LHFPL2: variants seen among roughly 807,000 people sequenced by gnomAD.
The protein encoded by LHFPL2 is LHFPL tetraspan subfamily member 2 protein.
Under a neutral mutation model 17.5 loss-of-function variants are expected in LHFPL2, and 7 were observed. The ratio of observed to expected loss-of-function variants is 0.40; its 90% CI spans 0.23 to 0.75. LHFPL2 has a LOEUF of 0.75. Ranked by LOEUF, LHFPL2 falls within the 30% of genes least tolerant of loss-of-function variation. LHFPL2 has a pLI of 0.37. For synonymous variants in LHFPL2, 134 were observed against 116.2 expected, an observed-to-expected ratio of 1.15 and a Z score of -0.99; for missense variants, 241 against 294.8, an observed-to-expected ratio of 0.82 and a Z score of 1.34.
chr5:78,544,796 GA>G lies in LHFPL2; in HGVS notation c.-186+20016del, dbSNP rs1027383742. Among the ~76,000 whole-genome samples the G allele has an allele frequency of 7.9e-4, 117 of 148,136 alleles. 1 individual carries two copies. In the South Asian group the frequency reaches 0.014, roughly 18 times the overall value. On this transcript the variant is annotated intron_variant, in intron 3 of 4. Coordinates refer to ENST00000380345, the MANE Select transcript of LHFPL2 (RefSeq NM_005779.3). ...GTATACACACACACACCCCAAAACA[GA>G]AAAAAAAATCCAGCTGAAATGAACG...
intron 3 of LHFPL2, among the ~76,000 whole-genome samples, chr5:78,554,197 C>T (rs370831445): frequency 1.3e-5 from 2 of 152,260 alleles, no homozygotes; most frequent in South Asian, 2.1e-4. Context: ...AGACACTGTG[C>T]GCGCCTGCTG....
At chr5:78,621,828 A>G (rs772399916) in intron 2 of LHFPL2, among the ~76,000 whole-genome samples, 64 of 152,150 alleles carry the variant, frequency 4.2e-4, no homozygotes, top group Non-Finnish European at 3.4e-4. Context: ...CTCTCAGGAC[A>G]AACATAAATA....
intron 1 of LHFPL2, among the ~76,000 whole-genome samples, chr5:78,634,337 T>C (rs1202960412): frequency 6.6e-6 from 1 of 152,192 alleles, no homozygotes; most frequent in Non-Finnish European, 1.5e-5. Context: ...CTGCAGGAAC[T>C]CACAGGAAGT....
chr5:78,513,858 A>G (rs1299806250), intron 3 of LHFPL2, among the ~76,000 whole-genome samples: 2 of 152,146 alleles, frequency 1.3e-5, no homozygotes, highest in Admixed American at 6.5e-5. Context: ...TTTCTTTATA[A>G]ATTACCCAGT....
At chr5:78,548,674 AT>A (rs1756354766) in intron 3 of LHFPL2, among the ~76,000 whole-genome samples, 1 of 152,188 alleles carries the variant, frequency 6.6e-6, no homozygotes, top group Non-Finnish European at 1.5e-5. Context: ...GGGGGCAGCT[AT>A]GAGGGCTAGA....
intron 1 of LHFPL2, among the ~76,000 whole-genome samples, chr5:78,641,431 T>C (rs532246847): frequency 6.6e-6 from 1 of 152,382 alleles, no homozygotes; most frequent in East Asian, 1.9e-4. Flanking sequence ...TTGTTCATTA[T>C]TAACCAGCTG....
intron 1 of LHFPL2, among the ~76,000 whole-genome samples, chr5:78,645,844 G>A (rs1745857427): frequency 6.6e-6 from 1 of 152,164 alleles, no homozygotes; most frequent in Non-Finnish European, 1.5e-5. Context: ...GCCCCCCAAA[G>A]TGCTGGGATT....
At chr5:78,644,450 CT>C in intron 1 of LHFPL2, 1 of 627,970 alleles carries the variant, frequency 1.6e-6, no homozygotes. Flanking sequence ...CGGCAGTGCC[CT>C]TCCACATCTC....
chr5:78,521,050 T>C (rs1288406111), intron 3 of LHFPL2, among the ~76,000 whole-genome samples: 2 of 152,244 alleles, frequency 1.3e-5, no homozygotes, highest in Admixed American at 6.5e-5. Context: ...CTTTCTTATA[T>C]ATGTCAAGAA....
chr5:78,537,861 C>G (rs570974352), intron 3 of LHFPL2, among the ~76,000 whole-genome samples: 1 of 152,070 alleles, frequency 6.6e-6, no homozygotes, highest in Admixed American at 6.5e-5. Flanking sequence ...ATATAAAATG[C>G]GAAAGCTTCT....
chr5:78,592,250 C>A (rs768685848), intron 2 of LHFPL2, among the ~76,000 whole-genome samples: 1 of 152,206 alleles, frequency 6.6e-6, no homozygotes, highest in African/African-American at 2.4e-5. Flanking sequence ...CTCTCCCAAA[C>A]GCTCAGGAAG....
intron 4 of LHFPL2, among the ~76,000 whole-genome samples, chr5:78,498,092 T>TGAGC (rs1754662393): frequency 6.6e-6 from 1 of 152,038 alleles, no homozygotes; most frequent in South Asian, 2.1e-4. Flanking sequence ...GGGAATGAGG[T>TGAGC]GAGCCACGAC....
intron 4 of LHFPL2, among the ~76,000 whole-genome samples, chr5:78,498,314 T>C (rs1754670550): frequency 6.6e-6 from 1 of 152,160 alleles, no homozygotes; most frequent in African/African-American, 2.4e-5. Flanking sequence ...AGTCAGGCCA[T>C]CTGTCTCAGT....
At chr5:78,585,697 C>T (rs777655965) in intron 2 of LHFPL2, among the ~76,000 whole-genome samples, 4 of 152,236 alleles carry the variant, frequency 2.6e-5, no homozygotes, top group Non-Finnish European at 4.4e-5. Flanking sequence ...TCCTCATCAT[C>T]ATCATCACCA....
At chr5:78,499,053 T>C (rs1754693939) in intron 4 of LHFPL2, among the ~76,000 whole-genome samples, 1 of 152,200 alleles carries the variant, frequency 6.6e-6, no homozygotes, top group African/African-American at 2.4e-5. Flanking sequence ...AATGGCAGTG[T>C]TGACCAGCTT....
At chr5:78,544,913 G>T (rs941675752) in intron 3 of LHFPL2, among the ~76,000 whole-genome samples, 1 of 151,942 alleles carries the variant, frequency 6.6e-6, no homozygotes, top group South Asian at 2.1e-4. Context: ...TTTTTTAAAA[G>T]AAAAAATTCC....
intron 2 of LHFPL2, among the ~76,000 whole-genome samples, chr5:78,586,177 T>C (rs111356022): frequency 1.1e-4 from 17 of 152,292 alleles, no homozygotes; most frequent in Non-Finnish European, 2.4e-4. Context: ...TCCACTTTCC[T>C]CTCTCTTCCC....
intron 3 of LHFPL2, among the ~76,000 whole-genome samples, chr5:78,553,311 A>G (rs1348495247): frequency 4.6e-5 from 7 of 152,136 alleles, no homozygotes; most frequent in Non-Finnish European, 7.3e-5. Flanking sequence ...TCAAGGCCCA[A>G]TTGAGAAGTC....
chr5:78,640,761 G>A (rs564903145), intron 1 of LHFPL2, among the ~76,000 whole-genome samples: 8 of 152,314 alleles, frequency 5.3e-5, no homozygotes, highest in African/African-American at 1.4e-4. Flanking sequence ...GAGGTGAGGT[G>A]TTATTGCTGG....
Sources: allele counts gnomAD v4.1 joint callset (sites outside exome capture counted in the v4.1 genomes callset), GRCh38; gene constraint gnomAD v4.1.1; transcripts MANE v1.5; gene names NCBI Gene and HGNC (gene_info 2026-07-23, HGNC 2026-07-21).